SLC25A48: variants seen among roughly 807,000 people sequenced by gnomAD.
SLC25A48 encodes the protein solute carrier family 25 member 48, also known as CTC-321K16.1.
In SLC25A48, 29 loss-of-function variants were observed where a neutral mutation model predicts 32.2. That is an observed-to-expected ratio of 0.90 (90% confidence interval 0.67 to 1.23). SLC25A48 has a LOEUF of 1.23. Among genes scored for constraint, SLC25A48 ranks in the 50% most tolerant of loss-of-function variants. The probability of loss-of-function intolerance (pLI) is 0.00; values close to 1 mark genes in which losing one functional copy is unlikely to be tolerated. For missense variants in SLC25A48, 399 were observed against 422.7 expected (o/e 0.94, Z 0.49); for synonymous variants, 164 against 172.3 (o/e 0.95, Z 0.38).
At chr5:135,761,342 C>A (rs1215299507) in intron 3 of SLC25A48, among the ~76,000 whole-genome samples, 2 of 151,898 alleles carry the variant, frequency 1.3e-5, no homozygotes, top group Non-Finnish European at 2.9e-5. Context: ...AGGAGATATA[C>A]CTCATGTAAA....
chr5:135,881,424 G>A (rs1179767588), intron 7 of SLC25A48, among the ~76,000 whole-genome samples: 1 of 152,236 alleles, frequency 6.6e-6, no homozygotes, highest in Non-Finnish European at 1.5e-5. Flanking sequence ...AGTCAGCCCA[G>A]GACAAGCCCC....
chr5:135,821,660 G>C (rs1757889476), intron 4 of SLC25A48: 1 of 152,282 alleles, frequency 6.6e-6, no homozygotes, highest in South Asian at 2.1e-4. Context: ...GCTGAATTAA[G>C]AGACAGGTGA....
At chr5:135,825,589 G>A (rs1046006313) in intron 4 of SLC25A48, 1 of 152,626 alleles carries the variant, frequency 6.6e-6, no homozygotes, top group Admixed American at 6.5e-5. Flanking sequence ...GCTGGTCCCG[G>A]GTATCTGGGC....
At chr5:135,718,793 A>G (rs1049537053) in intron 3 of SLC25A48, among the ~76,000 whole-genome samples, 8 of 152,068 alleles carry the variant, frequency 5.3e-5, no homozygotes, top group African/African-American at 1.5e-4. Flanking sequence ...AATGTTTTTC[A>G]AGTGATGAAA....
chr5:135,799,272 G>T (rs1757262169), intron 3 of SLC25A48, among the ~76,000 whole-genome samples: 1 of 151,534 alleles, frequency 6.6e-6, no homozygotes, highest in African/African-American at 2.4e-5. Flanking sequence ...GGGAGGGAGA[G>T]GATAATATTA....
intron 3 of SLC25A48, among the ~76,000 whole-genome samples, chr5:135,771,219 G>A (rs1756401229): frequency 6.6e-6 from 1 of 151,484 alleles, no homozygotes; most frequent in Non-Finnish European, 1.5e-5. Flanking sequence ...CCGGGGGGGA[G>A]AAGGTGATAT....
intron 3 of SLC25A48, among the ~76,000 whole-genome samples, chr5:135,674,651 G>A (rs1235570699): frequency 1.3e-5 from 2 of 151,718 alleles, no homozygotes; most frequent in African/African-American, 4.8e-5. Flanking sequence ...TTCTGACCAT[G>A]TTGCTGTGAA....
chr5:135,743,463 A>G (rs1014592318), intron 3 of SLC25A48, among the ~76,000 whole-genome samples: 3 of 152,078 alleles, frequency 2.0e-5, no homozygotes, highest in Non-Finnish European at 4.4e-5. Flanking sequence ...GATACAGAGG[A>G]CAGCCCCCCA....
intron 6 of SLC25A48, among the ~76,000 whole-genome samples, chr5:135,877,196 G>A (rs1055153981): frequency 1.3e-5 from 2 of 152,162 alleles, no homozygotes; most frequent in African/African-American, 2.4e-5. Context: ...TAGTTTTGGA[G>A]CCATTCTCTG....
chr5:135,834,638 G>T, upstream of SLC25A48: 1 of 576,556 alleles, frequency 1.7e-6, no homozygotes, highest in South Asian at 2.3e-5. Flanking sequence ...GTCCACTGGG[G>T]GCGTGATGTC....
chr5:135,696,245 A>G (rs1754264068), intron 3 of SLC25A48, among the ~76,000 whole-genome samples: 1 of 152,228 alleles, frequency 6.6e-6, no homozygotes, highest in Non-Finnish European at 1.5e-5. Flanking sequence ...GATGAGCCAA[A>G]GAGGGGTGAG....
intron 3 of SLC25A48, among the ~76,000 whole-genome samples, chr5:135,764,553 A>G (rs1385182354): frequency 1.3e-5 from 2 of 151,668 alleles, no homozygotes; most frequent in Non-Finnish European, 2.9e-5. Flanking sequence ...TGTTCGTAAT[A>G]TCCAGGGAGA....
At chr5:135,799,670 C>T (rs904577195) in intron 3 of SLC25A48, among the ~76,000 whole-genome samples, 1 of 151,602 alleles carries the variant, frequency 6.6e-6, no homozygotes, top group Non-Finnish European at 1.5e-5. Flanking sequence ...TAATATTACT[C>T]CCAATATCGC....
intron 1 of SLC25A48, among the ~76,000 whole-genome samples, chr5:135,583,073 A>G (rs951328543): frequency 1.3e-5 from 2 of 152,148 alleles, no homozygotes; most frequent in African/African-American, 4.8e-5. Context: ...TTCACTCCCT[A>G]TCTGTGGAGT....
At chr5:135,774,827 C>G (rs1208510881) in intron 3 of SLC25A48, among the ~76,000 whole-genome samples, 1 of 151,528 alleles carries the variant, frequency 6.6e-6, no homozygotes, top group Non-Finnish European at 1.5e-5. Flanking sequence ...TGTACACACC[C>G]CTGTGATATT....
rs1247964235 is a variant in SLC25A48, at chr5:135,879,233, A to T, written c.814-735A>T. 2.0e-5 allele frequency among the ~76,000 whole-genome samples: 3 copies of T among 152,136 alleles called. No homozygotes were observed. In the East Asian group the frequency reaches 5.8e-4, roughly 29 times the overall value. Reference sequence around the variant, plus strand: ...CCCTATTAGGTGATAGACTATTGATAAGAACAAGGAGGGTGATGATGATAA... The same window carrying T: ...CCCTATTAGGTGATAGACTATTGATTAGAACAAGGAGGGTGATGATGATAA... On this transcript the variant is annotated intron_variant, in intron 6 of 7. Transcript: ENST00000681962.
intron 3 of SLC25A48, among the ~76,000 whole-genome samples, chr5:135,779,660 C>T (rs1222947406): frequency 3.4e-5 from 4 of 117,268 alleles, no homozygotes; most frequent in African/African-American, 1.0e-4. Flanking sequence ...CTCCCAATAT[C>T]GAAGGGGATG....
intron 1 of SLC25A48, among the ~76,000 whole-genome samples, chr5:135,837,929 C>T (rs1449234482): frequency 6.6e-6 from 1 of 152,182 alleles, no homozygotes; most frequent in Non-Finnish European, 1.5e-5. Context: ...AATGTGGAAG[C>T]AACTTTGGAA....
chr5:135,788,066 C>T (rs1022138705), intron 3 of SLC25A48, among the ~76,000 whole-genome samples: 3 of 151,874 alleles, frequency 2.0e-5, no homozygotes, highest in Non-Finnish European at 4.4e-5. Flanking sequence ...GTCACACCCC[C>T]GCTATATGGT....
Sources: gnomAD v4.1 joint callset for allele counts (sites outside exome capture counted in the v4.1 genomes callset) on GRCh38, gnomAD v4.1.1 for gene constraint, MANE v1.5 for transcripts, NCBI Gene and HGNC (gene_info 2026-07-23, HGNC 2026-07-21) for gene names.